Variants in RBFOX1 observed in about 807,000 individuals in gnomAD.
The protein encoded by RBFOX1 is RNA binding fox-1 homolog 1, also known as RNA binding protein fox-1 homolog 1.
RBFOX1 carries 8 observed loss-of-function variants against 57.7 expected under a neutral mutation model. The observed-to-expected ratio is 0.14, with a 90% confidence interval of 0.08 to 0.25. The LOEUF (loss-of-function observed/expected upper bound fraction) is 0.25. RBFOX1 is among the 10% of genes least tolerant of loss of function. The pLI is 1.00. For synonymous variants in RBFOX1, 326 were observed against 222.4 expected (o/e 1.47, Z -4.15); for missense variants, 611 against 548.5 (o/e 1.11, Z -1.14).
intron 8 of RBFOX1, among the ~76,000 whole-genome samples, chr16:7,596,756 C>T (rs6500995): frequency 0.9 from 137,249 of 152,194 alleles, 62,149 homozygotes; most frequent in African/African-American, 0.94. Flanking sequence ...GATTGTTAAC[C>T]CCATATTGTG....
At chr16:5,779,260 A>G (rs988302822) in intron 3 of RBFOX1, among the ~76,000 whole-genome samples, 1 of 152,160 alleles carries the variant, frequency 6.6e-6, no homozygotes, top group African/African-American at 2.4e-5. Flanking sequence ...CTGTCCCTCT[A>G]AACAGCTGAA....
intron 2 of RBFOX1, among the ~76,000 whole-genome samples, chr16:5,586,060 C>T (rs6500700): frequency 6.6e-6 from 1 of 151,896 alleles, no homozygotes; most frequent in African/African-American, 2.4e-5. Flanking sequence ...AGACACAGTG[C>T]CGTGCAGAGA....
At chr16:6,273,298 A>G (rs2075414073) in intron 1 of RBFOX1, among the ~76,000 whole-genome samples, 1 of 149,948 alleles carries the variant, frequency 6.7e-6, no homozygotes, top group Admixed American at 6.6e-5. Context: ...AAAACAGAAA[A>G]TCTTTGAGAT....
At chr16:5,651,124 G>C (rs1361769005) in intron 3 of RBFOX1, among the ~76,000 whole-genome samples, 3 of 129,272 alleles carry the variant, frequency 2.3e-5, no homozygotes, top group African/African-American at 5.9e-5. Flanking sequence ...GTGATCTCAG[G>C]TCACTGCAAC....
intron 4 of RBFOX1, among the ~76,000 whole-genome samples, chr16:7,394,355 T>C (rs2098104950): frequency 6.6e-6 from 1 of 152,066 alleles, no homozygotes; most frequent in East Asian, 1.9e-4. Context: ...GCTTGTATTT[T>C]CTGAGTAGTT....
Position 6,413,839 on chromosome 16 carries a change from G to A in RBFOX1, c.-64+96782G>A, listed in dbSNP as rs116286868. Among the ~76,000 whole-genome samples the A allele has an allele frequency of 4.1e-3, 624 of 152,178 alleles. 4 individuals carry two copies. The highest frequency in any genetic ancestry group is 0.014 in the African/African-American group (572 of 41,522). On this transcript the variant is annotated intron_variant, in intron 2 of 15. Coordinates refer to ENST00000550418, the MANE Select transcript of RBFOX1 (RefSeq NM_018723.4). Reference sequence around the variant, plus strand: ...AGCCCCTGCATGTTCTTTTTTGTTGGGGGGAACTATGGCGACAACTAAAGG... The same window carrying A: ...AGCCCCTGCATGTTCTTTTTTGTTGAGGGGAACTATGGCGACAACTAAAGG...
rs551559885 is a variant in RBFOX1, at chr16:6,931,108, G to C, written c.-15-120949G>C. Among the ~76,000 whole-genome samples, 5 of 152,080 alleles carry C rather than the reference G, an allele frequency of 3.3e-5. No homozygotes were observed. The South Asian group carries it at 1.0e-3, about 32-fold the overall frequency. ...AGCAGATATTGAATAAATACTTATT[G>C]ATTTATATTATAAAGGTTGTAGTTT... is the stretch of plus-strand genomic sequence containing the variant. On this transcript the variant is annotated intron_variant, in intron 3 of 15. Coordinates refer to ENST00000550418, the MANE Select transcript of RBFOX1 (RefSeq NM_018723.4).
intron 3 of RBFOX1, among the ~76,000 whole-genome samples, chr16:6,981,059 A>AAAAAAAAAAAAAAAAAAAAAAC (rs2088682554): frequency 1.3e-5 from 2 of 149,836 alleles, no homozygotes; most frequent in Admixed American, 6.7e-5. Flanking sequence ...AAAAAAAAAA[A>AAAAAAAAAAAAAAAAAAAAAAC]CACTAAAAAA....
chr16:7,677,126 T>TAC (rs1314598196), intron 14 of RBFOX1, among the ~76,000 whole-genome samples: 5 of 51,172 alleles, frequency 9.8e-5, no homozygotes, highest in Admixed American at 4.8e-4. Context: ...CTTGCTCACA[T>TAC]ACACATACAC....
intron 3 of RBFOX1, among the ~76,000 whole-genome samples, chr16:6,925,921 T>C (rs143954424): frequency 2.0e-3 from 301 of 152,306 alleles, no homozygotes; most frequent in African/African-American, 6.9e-3. Flanking sequence ...TTATTTACTT[T>C]TGCAATTAAT....
intron 3 of RBFOX1, among the ~76,000 whole-genome samples, chr16:6,904,086 C>A (rs948922452): frequency 6.6e-6 from 1 of 152,172 alleles, no homozygotes; most frequent in Admixed American, 6.5e-5. Flanking sequence ...TACAGCAAGT[C>A]GGATGCTCTT....
intron 3 of RBFOX1, among the ~76,000 whole-genome samples, chr16:6,971,252 G>C (rs1291051836): frequency 6.6e-6 from 1 of 152,148 alleles, no homozygotes; most frequent in African/African-American, 2.4e-5. Flanking sequence ...ATGGGGATGG[G>C]ATTCTTCTGG....
intron 4 of RBFOX1, among the ~76,000 whole-genome samples, chr16:7,356,664 G>A (rs369819073): frequency 1.2e-4 from 19 of 152,346 alleles, no homozygotes; most frequent in African/African-American, 3.1e-4. Flanking sequence ...TAAGCTTTAC[G>A]TTAAGGGCAT....
At chr16:7,394,781 C>T (rs1378871049) in intron 4 of RBFOX1, among the ~76,000 whole-genome samples, 1 of 152,088 alleles carries the variant, frequency 6.6e-6, no homozygotes, top group Admixed American at 6.5e-5. Context: ...CTCTTTTTTC[C>T]TGGTATAAAT....
intron 3 of RBFOX1, among the ~76,000 whole-genome samples, chr16:6,899,150 C>T (rs558307141): frequency 6.2e-5 from 9 of 146,134 alleles, no homozygotes; most frequent in Non-Finnish European, 9.2e-5. Flanking sequence ...TATGGACACA[C>T]GTGTATGTAA....
intron 2 of RBFOX1, among the ~76,000 whole-genome samples, chr16:6,492,318 C>G (rs2095650985): frequency 6.6e-6 from 1 of 152,158 alleles, no homozygotes; most frequent in Non-Finnish European, 1.5e-5. Context: ...CGCCTGTAAT[C>G]CAACACTTTG....
At chr16:5,952,750 A>G (rs944411156) in intron 4 of RBFOX1, among the ~76,000 whole-genome samples, 1 of 152,158 alleles carries the variant, frequency 6.6e-6, no homozygotes, top group Non-Finnish European at 1.5e-5. Context: ...TCCCTGTTAC[A>G]GAAATGATTT....
intron 4 of RBFOX1, among the ~76,000 whole-genome samples, chr16:7,477,301 C>T (rs572176577): frequency 6.6e-6 from 1 of 152,254 alleles, no homozygotes; most frequent in African/African-American, 2.4e-5. Context: ...TCCTGAAATA[C>T]ATATATTCAT....
chr16:7,610,139 T>TTTTTTTTTTTTTTTTTTTTTTG (rs2057174916), intron 10 of RBFOX1, among the ~76,000 whole-genome samples: 2 of 127,614 alleles, frequency 1.6e-5, no homozygotes, highest in Non-Finnish European at 1.7e-5. Context: ...TTTTTTTTTT[T>TTTTTTTTTTTTTTTTTTTTTTG]GAGGCAGTTT....
Sources: allele counts gnomAD v4.1 joint callset (sites outside exome capture counted in the v4.1 genomes callset), GRCh38; gene constraint gnomAD v4.1.1; transcripts MANE v1.5; gene names NCBI Gene and HGNC (gene_info 2026-07-23, HGNC 2026-07-21).